The following AKAP19 variants were observed in gnomAD, a reference collection of about 807,000 sequenced individuals.
AKAP19 encodes A-kinase anchoring protein 19.
the AKAP19 span, among the ~76,000 whole-genome samples, chr2:189,882,804 A>C: frequency 3.5e-4 from 53 of 152,228 alleles, no homozygotes; most frequent in African/African-American, 1.3e-3. Flanking sequence ...AGGGAGGTAC[A>C]TAGCTTTTAA....
At chr2:190,031,031 C>T in the AKAP19 span, among the ~76,000 whole-genome samples, 1 of 152,164 alleles carries the variant, frequency 6.6e-6, no homozygotes, top group African/African-American at 2.4e-5. Flanking sequence ...GGTATAATGG[C>T]TACCCTTTCC....
At chr2:189,949,243 G>A in the AKAP19 span, among the ~76,000 whole-genome samples, 1 of 152,140 alleles carries the variant, frequency 6.6e-6, no homozygotes, top group African/African-American at 2.4e-5. Flanking sequence ...CGTAGATGTG[G>A]AGTGCTGACT....
chr2:190,137,690 T>A, the AKAP19 span: 1 of 152,188 alleles, frequency 6.6e-6, no homozygotes, highest in Non-Finnish European at 1.5e-5. Context: ...ATAATACTGA[T>A]TATTGGGTGA....
chr2:190,032,898 T>C, the AKAP19 span, among the ~76,000 whole-genome samples: 2 of 152,198 alleles, frequency 1.3e-5, no homozygotes, highest in Admixed American at 6.5e-5. Flanking sequence ...ACATCAATCT[T>C]AATTAAATAT....
chr2:190,001,316 G>A, the AKAP19 span, among the ~76,000 whole-genome samples: 7 of 151,936 alleles, frequency 4.6e-5, 1 homozygote, highest in Middle Eastern at 3.4e-3. Context: ...ATACAGTATC[G>A]GGAGTACCAT....
the AKAP19 span, among the ~76,000 whole-genome samples, chr2:190,125,103 A>G: frequency 6.6e-6 from 1 of 152,048 alleles, no homozygotes; most frequent in South Asian, 2.1e-4. Flanking sequence ...TTTTACAATT[A>G]ACGTCTTTTT....
At chr2:189,989,343 T>C in the AKAP19 span, among the ~76,000 whole-genome samples, 26 of 151,868 alleles carry the variant, frequency 1.7e-4, no homozygotes, top group Admixed American at 1.7e-3. Flanking sequence ...CAAAGTAAGA[T>C]GACAGAAACA....
the AKAP19 span, among the ~76,000 whole-genome samples, chr2:190,125,108 C>CT: frequency 6.6e-5 from 10 of 151,826 alleles, no homozygotes; most frequent in Admixed American, 6.6e-4. Flanking sequence ...CAATTAACGT[C>CT]TTTTTTTTGG....
the AKAP19 span, chr2:190,057,592 C>T: frequency 1.2e-6 from 2 of 1,613,342 alleles, no homozygotes; most frequent in East Asian, 4.5e-5. Flanking sequence ...AAAATCCCTT[C>T]TGGATCTTTT....
chr2:189,965,001 T>G, the AKAP19 span, among the ~76,000 whole-genome samples: 1 of 152,380 alleles, frequency 6.6e-6, no homozygotes, highest in Non-Finnish European at 1.5e-5. Context: ...TGTCTTGGCT[T>G]TAGACCTGCC....
chr2:190,051,564 A>AACTT, the AKAP19 span, among the ~76,000 whole-genome samples: 1 of 152,206 alleles, frequency 6.6e-6, no homozygotes, highest in South Asian at 2.1e-4. Context: ...TCCCATAAGA[A>AACTT]ACTTACTTGG....
At chr2:189,944,729 C>G in the AKAP19 span, among the ~76,000 whole-genome samples, 1 of 152,158 alleles carries the variant, frequency 6.6e-6, no homozygotes, top group Non-Finnish European at 1.5e-5. Flanking sequence ...TTAAACTACA[C>G]ACTAGACCAA....
chr2:190,199,618 A>T, the AKAP19 span: 1 of 848,274 alleles, frequency 1.2e-6, no homozygotes. Flanking sequence ...AAAGTGATGA[A>T]AGGATTTTTA....
chr2:190,060,312 G>A, the AKAP19 span: 1 of 1,613,012 alleles, frequency 6.2e-7, no homozygotes, highest in Non-Finnish European at 8.5e-7. Context: ...CACTGTTGTA[G>A]GAGTCTCGAC....
the AKAP19 span, among the ~76,000 whole-genome samples, chr2:189,886,329 G>A: frequency 6.6e-6 from 1 of 152,136 alleles, no homozygotes; most frequent in Admixed American, 6.5e-5. Context: ...TTTGATCCAT[G>A]TCATGTTTTG....
chr2:190,197,093 G>A, the AKAP19 span, among the ~76,000 whole-genome samples: 2 of 152,088 alleles, frequency 1.3e-5, no homozygotes, highest in African/African-American at 4.8e-5. The surrounding 1 kb of genome is among the most constrained non-coding windows in gnomAD (Gnocchi z 4.0). Flanking sequence ...TCTTTTATGA[G>A]AGCACTAAAA....
the AKAP19 span, among the ~76,000 whole-genome samples, chr2:190,171,364 T>C: frequency 6.6e-6 from 1 of 152,210 alleles, no homozygotes; most frequent in East Asian, 1.9e-4. Flanking sequence ...TAACAACCCC[T>C]TAAAATGATC....
chr2:190,147,271 TTA>T, the AKAP19 span, among the ~76,000 whole-genome samples: 2 of 152,166 alleles, frequency 1.3e-5, no homozygotes, highest in Non-Finnish European at 2.9e-5. Context: ...TTTCCCTACT[TTA>T]TGTTTTTGTT....
At chr2:189,905,828 T>C in the AKAP19 span, among the ~76,000 whole-genome samples, 8 of 152,022 alleles carry the variant, frequency 5.3e-5, no homozygotes, top group Admixed American at 5.2e-4. Flanking sequence ...TAGGGAAGTC[T>C]TTAGGCAAGA....
Sources: gnomAD v4.1 joint callset for allele counts (sites outside exome capture counted in the v4.1 genomes callset) on GRCh38, gnomAD v4.1.1 for gene constraint, Gnocchi (gnomAD v3.1) non-coding constraint, MANE v1.5 for transcripts, NCBI Gene and HGNC (gene_info 2026-07-23, HGNC 2026-07-21) for gene names.